Variants in EP400 observed in about 807,000 individuals in gnomAD.
The protein encoded by EP400 is E1A binding protein p400, also known as E1A-binding protein p400.
EP400 carries 105 observed loss-of-function variants against 354.1 expected under a neutral mutation model. The observed-to-expected ratio is 0.30, with a 90% CI of 0.25 to 0.35. The LOEUF (loss-of-function observed/expected upper bound fraction) is 0.35, where lower values mean the gene tolerates loss of function less well. Ranked by LOEUF, EP400 falls within the 10% of genes least tolerant of loss-of-function variation. EP400 has a pLI of 1.00. For missense variants in EP400, 3,280 were observed against 4,121.0 expected, an observed-to-expected ratio of 0.80 and a Z score of 5.59; for synonymous variants, 1,646 against 1,716.9, an observed-to-expected ratio of 0.96 and a Z score of 1.02.
intron 12 of EP400, among the ~76,000 whole-genome samples, chr12:131,995,806 A>G (rs944601631): frequency 6.7e-6 from 1 of 148,508 alleles, no homozygotes; most frequent in Admixed American, 6.6e-5. Flanking sequence ...CTTCATGTGA[A>G]CGAATCCCAC....
rs1406086537 is a variant in EP400, at chr12:132,045,402, C to T, written c.6868C>T (p.Leu2290=). 2.5e-6 allele frequency: 4 copies of T among 1,614,136 alleles called. No homozygotes were observed. Among genetic ancestry groups the T allele is most frequent in the Non-Finnish European group, 2.5e-6 (3 of 1,180,060 alleles). The change falls in exon 38 of 53, where the codon CTG becomes TTG. Residue 2290 remains leucine (L), a synonymous_variant. Transcript: ENST00000389561. ...SLFDRATPGL[L]KIRREGKEQK... is the part of the protein sequence containing the mutation. The stretch of plus-strand genomic sequence containing the variant: ...GTTTGACCGCGCAACACCAGGACTT[C>T]TGAAAATTCGCAGAGAGGGCAAGGA...
At chr12:132,031,919 A>T in intron 29 of EP400, 34 bp from the exon 30 acceptor site, 1 of 1,562,198 alleles carries the variant, frequency 6.4e-7, no homozygotes, top group East Asian at 2.3e-5. Context: ...ACATTTTCCA[A>T]GAATACTAAC....
At chr12:132,071,370 G>C (rs1463188738) in intron 51 of EP400, among the ~76,000 whole-genome samples, 1 of 152,102 alleles carries the variant, frequency 6.6e-6, no homozygotes, top group Admixed American at 6.5e-5. Context: ...CAGATCCATG[G>C]AGATGTCTGA....
rs138720658 is a variant in EP400, at chr12:132,028,117, G to A, written c.5210G>A (p.Arg1737Lys). 38 of 1,614,102 alleles carry A rather than the reference G, an allele frequency of 2.4e-5. No homozygotes were observed. The highest frequency in any genetic ancestry group is 3.3e-4 in the Middle Eastern group (2 of 6,084). ...QAPVYGRDLL[R>K]ICALPSHGRV... ...CCAGTCTATGGCAGAGACTTGCTAA[G>A]GATTTGTGCCCTGCCTAGCCATGGA... Residue 1737 changes from arginine to lysine, a missense_variant, in exon 27 of 53, where the codon AGG (arginine) becomes AAG (lysine). Arg to Lys is a conservative substitution (Grantham distance 26). Coordinates refer to ENST00000389561, the MANE Select transcript of EP400 (RefSeq NM_015409.5).
At chr12:132,037,826 G>T in intron 31 of EP400, 33 bp downstream of exon 31, 1 of 1,611,722 alleles carries the variant, frequency 6.2e-7, no homozygotes, top group Non-Finnish European at 8.5e-7. Flanking sequence ...CCTGAGGTGA[G>T]ACCCGCCATG....
intron 51 of EP400, chr12:132,076,278 C>A (rs1212404719): frequency 4.9e-6 from 3 of 614,372 alleles, no homozygotes. Flanking sequence ...AATATGAGAC[C>A]AAAAATAAGC....
chr12:132,006,925 C>A (rs763370822), intron 15 of EP400, 48 bp downstream of exon 15: 5 of 1,603,372 alleles, frequency 3.1e-6, no homozygotes, highest in Admixed American at 1.7e-5. Context: ...CTAGGACTTA[C>A]CTATAGGCCA....
Position 132,030,165 on chromosome 12 carries a change from AG to A in EP400, c.5754+8del, listed in dbSNP as rs750015736. On this transcript the variant is annotated splice_region_variant and intron_variant, in intron 29 of 52. Transcript: ENST00000389561. ...CAGCAGTGAGCAACGGCAGGTGAGA[AG>A]CACATTGTTTACATTGTCTCTGATG... 1 of 1,614,098 alleles carries A rather than the reference AG, an allele frequency of 6.2e-7. No individual in the cohort carries two copies. Among genetic ancestry groups the A allele is most frequent in the South Asian group, 1.1e-5 (1 of 91,074 alleles).
chr12:132,074,706 C>G (rs1240598589), intron 51 of EP400, among the ~76,000 whole-genome samples: 2 of 152,244 alleles, frequency 1.3e-5, no homozygotes, highest in Admixed American at 6.5e-5. Flanking sequence ...GTCTTTCGCT[C>G]TGTCTCCTCA....
intron 2 of EP400, 31 bp from the exon 3 acceptor site, chr12:131,979,663 C>CA: frequency 1.3e-6 from 2 of 1,590,078 alleles, no homozygotes; most frequent in Non-Finnish European, 1.7e-6. Context: ...CTTCAGTGAT[C>CA]AAAATCTCAT....
Position 132,029,515 on chromosome 12 carries a change from G to T in EP400, c.5382-186G>T. The T allele has an allele frequency of 3.2e-6, 2 of 632,724 alleles. No individual in the cohort carries two copies. Among genetic ancestry groups the T allele is most frequent in the Non-Finnish European group, 2.7e-6 (1 of 363,828 alleles). 39.2% of individuals were successfully genotyped at this position (632,724 alleles called of 1,614,324 possible). A position where few individuals can be genotyped will look rare whatever the true frequency, so the allele number is the denominator to read the frequency against. ...GAGGTGGTGGTTATTGGCCAGGACT[G>T]GTTAGGATCTGCCTCGTTGGGCCCC... On this transcript the variant is annotated intron_variant, in intron 27 of 52. Transcript: ENST00000389561. This position sits in a 1 kb window ranked among gnomAD's most constrained non-coding sequence, Gnocchi z 4.7.
Position 132,077,786 on chromosome 12 carries a change from T to C in EP400, c.*113T>C, listed in dbSNP as rs1178019146. The stretch of plus-strand genomic sequence containing the variant: ...GCAAGAGATTCAGCACTGGGAAAGA[T>C]ATAATTGAAACAAAATAGTGTAATC... On this transcript the variant is annotated 3_prime_UTR_variant, in exon 53 of 53. Transcript: ENST00000389561. 7.8e-7 allele frequency: 1 copy of C among 1,277,516 alleles called. No homozygotes were observed. The highest frequency in any genetic ancestry group is 1.5e-5 in the African/African-American group (1 of 66,710). The allele number at this position is 1,277,516 out of a possible 1,614,324, so 79.1% of individuals were successfully genotyped here. A position where few individuals can be genotyped will look rare whatever the true frequency, so the allele number is the denominator to read the frequency against.
chr12:132,079,749 C>G lies in EP400; in HGVS notation c.*2076C>G, dbSNP rs1010052201. The G allele has an allele frequency of 1.3e-5, 2 of 152,266 alleles. No homozygotes were observed. Among genetic ancestry groups the G allele is most frequent in the African/African-American group, 4.8e-5 (2 of 41,478 alleles). The allele number at this position is 152,266 out of a possible 1,614,324, so 9.4% of individuals were successfully genotyped here. A position where few individuals can be genotyped will look rare whatever the true frequency, so the allele number is the denominator to read the frequency against. On this transcript the variant is annotated 3_prime_UTR_variant, in exon 53 of 53. Transcript: ENST00000389561. ...ATGTGGAGTTTCCGCCCCGATCTCA[C>G]GTCAGTGAGGGTCTCCTGTCTCTCA...
At chr12:131,968,745 T>C (rs1216828875) in intron 2 of EP400, among the ~76,000 whole-genome samples, 11 of 152,222 alleles carry the variant, frequency 7.2e-5, no homozygotes, top group Admixed American at 2.0e-4. Flanking sequence ...TTTGATTTCT[T>C]TCATCAACAT....
In EP400 at chr12:132,044,692, G is replaced by T. The variant is rs1391780202; in HGVS notation, c.6607G>T (p.Asp2203Tyr). The T allele has an allele frequency of 7.4e-6, 12 of 1,614,036 alleles. No individual in the cohort carries two copies. The highest frequency in any genetic ancestry group is 1.0e-5 in the Non-Finnish European group (12 of 1,180,034). The part of the protein sequence containing the change: ...YSMEYVYEDV[D>Y]GQTEVMPLWT... Reference sequence around the variant, plus strand: ...ACAGGAGTATGTCTACGAAGATGTCGATGGGCAGACAGAAGTCATGCCGGT... The same window carrying T: ...ACAGGAGTATGTCTACGAAGATGTCTATGGGCAGACAGAAGTCATGCCGGT... Residue 2203 changes from aspartate (D) to tyrosine (Y), a missense_variant, in exon 36 of 53, where the codon GAT becomes TAT. By Grantham distance (160) the Asp-to-Tyr change is radical. This residue lies in a region of EP400 where 231 missense variants were observed against 257.9 expected (regional missense o/e 0.90). Transcript: ENST00000389561.
rs2136567955 is a variant in EP400 at position 132,038,172 on chromosome 12, C to T, written c.6207+76C>T. ...AACACCTGCACCCTCCCCCAGGGTT[C>T]TGGGTGCTCAGTCCCCACTCTTCCC... On this transcript the variant is annotated intron_variant, in intron 32 of 52. Coordinates refer to ENST00000389561, the MANE Select transcript of EP400 (RefSeq NM_015409.5). The surrounding 1 kb of genome is among the most constrained non-coding windows in gnomAD (Gnocchi z 4.2). The T allele has an allele frequency of 6.3e-7, 1 of 1,581,020 alleles. No homozygotes were observed. Among genetic ancestry groups the T allele is most frequent in the Non-Finnish European group, 8.6e-7 (1 of 1,160,034 alleles).
chr12:131,976,096 G>C (rs577416816), intron 2 of EP400, among the ~76,000 whole-genome samples: 2 of 151,626 alleles, frequency 1.3e-5, no homozygotes, highest in Non-Finnish European at 1.5e-5. Flanking sequence ...TCTCCATTTC[G>C]CTCTTTATTT....
rs377529743 is a variant in EP400 at position 131,983,825 on chromosome 12, G to A, written c.1929+1347G>A. ...CCCCTGAGTAGCTGGGACTACAGGC[G>A]CACACCACTACACCTGGCTGATTTT... On this transcript the variant is annotated intron_variant, in intron 5 of 52. Transcript: ENST00000389561. Among the ~76,000 whole-genome samples the A allele has an allele frequency of 4.6e-5, 7 of 151,944 alleles. No individual in the cohort carries two copies. The South Asian group carries it at 6.2e-4, about 14-fold the overall frequency.
chr12:132,055,982 G>T (rs1895496979), intron 45 of EP400, among the ~76,000 whole-genome samples: 1 of 151,870 alleles, frequency 6.6e-6, no homozygotes. Context: ...GCAAGGAGCA[G>T]GTGGGCATGG....
Sources: gnomAD v4.1 joint callset for allele counts (sites outside exome capture counted in the v4.1 genomes callset) on GRCh38, gnomAD v4.1.1 for gene constraint, gnomAD v4.1.1 regional missense constraint, Gnocchi (gnomAD v3.1) non-coding constraint, MANE v1.5 for transcripts, NCBI Gene and HGNC (gene_info 2026-07-23, HGNC 2026-07-21) for gene names.